Variants in PARP8 observed in about 807,000 individuals in gnomAD.
PARP8 encodes protein mono-ADP-ribosyltransferase PARP8.
A neutral mutation model predicts 124.1 loss-of-function variants in PARP8; 51 were observed. That is an observed-to-expected ratio of 0.41 (90% CI 0.33 to 0.52). The LOEUF (loss-of-function observed/expected upper bound fraction) is 0.52. PARP8 is among the 20% of genes least tolerant of loss of function. The pLI is 0.21. For synonymous variants in PARP8, 391 were observed against 361.5 expected, an observed-to-expected ratio of 1.08 and a Z score of -0.93; for missense variants, 860 against 1,018.9, an observed-to-expected ratio of 0.84 and a Z score of 2.12.
chr5:50,788,175 CATTAATATATAATAT>C (rs1163806045), intron 9 of PARP8, among the ~76,000 whole-genome samples: 1 of 145,404 alleles, frequency 6.9e-6, no homozygotes, highest in Non-Finnish European at 1.5e-5. Context: ...ATATATTATA[CATTAATATATAATAT>C]ATTAATGTAT....
At chr5:50,731,055 A>G (rs1347993598) in intron 2 of PARP8, among the ~76,000 whole-genome samples, 1 of 152,234 alleles carries the variant, frequency 6.6e-6, no homozygotes, top group Non-Finnish European at 1.5e-5. Context: ...AGTGCGAAAA[A>G]TCACAAGAGG....
chr5:50,807,181 A>G (rs1376798584), intron 14 of PARP8, among the ~76,000 whole-genome samples: 2 of 151,698 alleles, frequency 1.3e-5, no homozygotes, highest in Admixed American at 1.3e-4. Context: ...CTTTTATACT[A>G]TCTGTCACTC....
At chr5:50,811,152 G>A (rs1561414768) in intron 14 of PARP8, among the ~76,000 whole-genome samples, 1 of 151,964 alleles carries the variant, frequency 6.6e-6, no homozygotes, top group Non-Finnish European at 1.5e-5. Flanking sequence ...AAACATACAG[G>A]AAAGAAAAGT....
At chr5:50,669,928 A>C (rs1749809724) in intron 2 of PARP8, among the ~76,000 whole-genome samples, 1 of 152,240 alleles carries the variant, frequency 6.6e-6, no homozygotes, top group Non-Finnish European at 1.5e-5. Context: ...AGCCTGTTAA[A>C]AGAGAAAGAC....
chr5:50,748,347 A>G (rs1758845958), intron 2 of PARP8, among the ~76,000 whole-genome samples: 1 of 151,938 alleles, frequency 6.6e-6, no homozygotes, highest in Non-Finnish European at 1.5e-5. Context: ...AGACCATCCT[A>G]CCCCTCCCTG....
Position 50,691,797 on chromosome 5 carries a change from A to G in PARP8, c.146+23672A>G, listed in dbSNP as rs528486280. Among the ~76,000 whole-genome samples the G allele has an allele frequency of 2.0e-5, 3 of 152,262 alleles. No individual in the cohort carries two copies. In the East Asian group the frequency reaches 5.8e-4, roughly 29 times the overall value. ...GAAACTCGTCATCTACTCACCTTTC[A>G]AGTTTCTCATGCCAGTGCCTGACTC... On this transcript the variant is annotated intron_variant, in intron 2 of 25. Transcript: ENST00000281631.
intron 7 of PARP8, among the ~76,000 whole-genome samples, chr5:50,770,181 T>G (rs1761460797): frequency 6.6e-6 from 1 of 152,198 alleles, no homozygotes; most frequent in Non-Finnish European, 1.5e-5. Context: ...CTTAACTATT[T>G]CCTTATTATT....
At chr5:50,815,560 C>A (rs757956518) in intron 15 of PARP8, 36 bp downstream of exon 15, 17 of 1,500,694 alleles carry the variant, frequency 1.1e-5, no homozygotes, top group Non-Finnish European at 1.5e-5. Flanking sequence ...TCTTATTTTG[C>A]TTTGAAAAAT....
intron 2 of PARP8, 173 bp downstream of exon 2, chr5:50,668,298 G>T: frequency 1.6e-6 from 1 of 631,988 alleles, no homozygotes; most frequent in East Asian, 2.7e-5. Context: ...AGGAGGAGGG[G>T]AATCAATGTT....
intron 2 of PARP8, among the ~76,000 whole-genome samples, chr5:50,683,459 A>C (rs1181517074): frequency 1.3e-5 from 2 of 152,188 alleles, no homozygotes; most frequent in Non-Finnish European, 2.9e-5. Context: ...CTGAATTGGG[A>C]ATACAAAGAT....
At chr5:50,716,241 GT>G (rs1755304975) in intron 2 of PARP8, among the ~76,000 whole-genome samples, 3 of 152,112 alleles carry the variant, frequency 2.0e-5, no homozygotes, top group Admixed American at 1.3e-4. Flanking sequence ...GTGGCATAGA[GT>G]TTTACAAGTG....
At chr5:50,753,807 G>A (rs1471222523) in intron 3 of PARP8, among the ~76,000 whole-genome samples, 1 of 151,796 alleles carries the variant, frequency 6.6e-6, no homozygotes, top group Non-Finnish European at 1.5e-5. Context: ...GGGATGGAAT[G>A]ACTTGACTTA....
At chr5:50,724,317 G>A (rs764681260) in intron 2 of PARP8, among the ~76,000 whole-genome samples, 69 of 152,030 alleles carry the variant, frequency 4.5e-4, no homozygotes, top group Non-Finnish European at 9.1e-4. Context: ...CATGCAAATT[G>A]CTAAGTTTTC....
At chr5:50,751,760 G>A (rs1355402984) in intron 3 of PARP8, among the ~76,000 whole-genome samples, 1 of 152,088 alleles carries the variant, frequency 6.6e-6, no homozygotes, top group East Asian at 1.9e-4. Flanking sequence ...ATAAAATCAA[G>A]TCTGTAATTC....
In PARP8 at chr5:50,793,309, A is replaced by G. The variant is rs184479623; in HGVS notation, c.738-898A>G. On this transcript the variant is annotated intron_variant, in intron 10 of 25. Transcript: ENST00000281631. ...GAAGAAAAAGAAACACATTTAATTT[A>G]TTGCATGCTTGATGTTTAATTGTAA... Among the ~76,000 whole-genome samples the G allele has an allele frequency of 1.8e-3, 268 of 152,328 alleles. 2 individuals carry two copies. The highest frequency in any genetic ancestry group is 6.2e-3 in the African/African-American group (259 of 41,582).
intron 3 of PARP8, among the ~76,000 whole-genome samples, chr5:50,759,071 G>A (rs1056007432): frequency 6.6e-6 from 1 of 151,992 alleles, no homozygotes; most frequent in Non-Finnish European, 1.5e-5. Context: ...ATTTGATAAT[G>A]AATCTTTCCT....
chr5:50,802,286 C>T (rs1743311288), intron 14 of PARP8, among the ~76,000 whole-genome samples: 1 of 152,048 alleles, frequency 6.6e-6, no homozygotes, highest in Non-Finnish European at 1.5e-5. Context: ...ATTCTAATTT[C>T]TAAAAATCTA....
chr5:50,756,561 A>G (rs1459079719), intron 3 of PARP8, among the ~76,000 whole-genome samples: 2 of 152,074 alleles, frequency 1.3e-5, no homozygotes, highest in African/African-American at 4.8e-5. Flanking sequence ...TATAGCTAAA[A>G]CTGTGGCTTA....
rs370314054 is a variant in PARP8, at chr5:50,778,688, A to G, written c.670+38A>G. On this transcript the variant is annotated intron_variant, in intron 9 of 25. Transcript: ENST00000281631. ...TCTTTATTTATTATTTTGAATATTA[A>G]TTAGCTGTGCACTATGCCTTAAGCA... 6.2e-4 allele frequency: 872 copies of G among 1,413,660 alleles called. 6 individuals carry two copies. The South Asian group carries it at 6.5e-3, about 10-fold the overall frequency. 87.6% of individuals were successfully genotyped at this position (1,413,660 alleles called of 1,614,324 possible).
Sources: allele counts gnomAD v4.1 joint callset (sites outside exome capture counted in the v4.1 genomes callset), GRCh38; gene constraint gnomAD v4.1.1; transcripts MANE v1.5; gene names NCBI Gene and HGNC (gene_info 2026-07-23, HGNC 2026-07-21).